The following NRXN3 variants were observed in gnomAD, a reference collection of about 807,000 sequenced individuals.
NRXN3 encodes neurexin 3.
A neutral mutation model predicts 137.6 loss-of-function variants in NRXN3; 32 were observed. The ratio of observed to expected loss-of-function variants is 0.23; its 90% CI spans 0.18 to 0.31. NRXN3 has a LOEUF of 0.31. NRXN3 is among the 10% of genes least tolerant of loss of function. The probability of loss-of-function intolerance (pLI) is 1.00; values close to 1 mark genes in which losing one functional copy is unlikely to be tolerated. For missense variants in NRXN3, 1,574 were observed against 2,062.5 expected, an observed-to-expected ratio of 0.76 and a Z score of 4.59; for synonymous variants, 798 against 784.5, an observed-to-expected ratio of 1.02 and a Z score of -0.29.
chr14:78,927,611 C>A (rs139671130), intron 10 of NRXN3, among the ~76,000 whole-genome samples: 1 of 152,246 alleles, frequency 6.6e-6, no homozygotes, highest in East Asian at 1.9e-4. Flanking sequence ...TGTATTTTAC[C>A]TATGCTGCTC....
At chr14:78,413,303 T>C (rs1216694111) in intron 4 of NRXN3, among the ~76,000 whole-genome samples, 1 of 152,166 alleles carries the variant, frequency 6.6e-6, no homozygotes, top group African/African-American at 2.4e-5. Flanking sequence ...TTTGTTTTTT[T>C]GGACAGAGTT....
chr14:78,890,795 C>G (rs1370597872), intron 10 of NRXN3, among the ~76,000 whole-genome samples: 1 of 151,808 alleles, frequency 6.6e-6, no homozygotes. Flanking sequence ...TATCTTCAGG[C>G]ATTCATAATT....
At chr14:78,363,742 T>G (rs953770512) in intron 4 of NRXN3, among the ~76,000 whole-genome samples, 2 of 152,202 alleles carry the variant, frequency 1.3e-5, no homozygotes, top group African/African-American at 4.8e-5. Flanking sequence ...TGAACTTACC[T>G]TCTCAAGGCT....
chr14:78,191,433 G>T (rs2060717390), intron 1 of NRXN3, among the ~76,000 whole-genome samples: 1 of 152,216 alleles, frequency 6.6e-6, no homozygotes, highest in Non-Finnish European at 1.5e-5. Context: ...ATGCTTCAGA[G>T]CAGTCAGAAC....
At chr14:78,445,359 A>G (rs942708426) in intron 4 of NRXN3, among the ~76,000 whole-genome samples, 6 of 152,234 alleles carry the variant, frequency 3.9e-5, no homozygotes, top group Non-Finnish European at 7.3e-5. Flanking sequence ...ACCAGATGAT[A>G]TCTAGGGTTC....
At chr14:78,962,762 G>T (rs2099410534) in intron 11 of NRXN3, among the ~76,000 whole-genome samples, 1 of 151,680 alleles carries the variant, frequency 6.6e-6, no homozygotes, top group African/African-American at 2.4e-5. Flanking sequence ...CACCCAGGCT[G>T]GAGTGCGGTG....
intron 15 of NRXN3, among the ~76,000 whole-genome samples, chr14:79,111,062 G>C (rs988690696): frequency 5.3e-5 from 8 of 151,984 alleles, no homozygotes; most frequent in Non-Finnish European, 7.4e-5. Flanking sequence ...AGTGCTGGGA[G>C]TACAGGCGTG....
At chr14:79,737,391 G>A (rs1397609973) in intron 19 of NRXN3, among the ~76,000 whole-genome samples, 1 of 152,076 alleles carries the variant, frequency 6.6e-6, no homozygotes, top group African/African-American at 2.4e-5. Context: ...CCTAATTAAT[G>A]AATTATCCAC....
chr14:79,380,926 A>G (rs2153453368), intron 15 of NRXN3, among the ~76,000 whole-genome samples: 1 of 152,148 alleles, frequency 6.6e-6, no homozygotes. Context: ...TCAGACTGCC[A>G]TTTTCTCCTT....
chr14:79,441,591 A>G (rs951198294), intron 15 of NRXN3, among the ~76,000 whole-genome samples: 1 of 151,742 alleles, frequency 6.6e-6, no homozygotes, highest in Non-Finnish European at 1.5e-5. Flanking sequence ...CGTGTTAGCC[A>G]GGATGGTCTC....
chr14:78,522,552 C>T (rs904787748), intron 4 of NRXN3, among the ~76,000 whole-genome samples: 1 of 152,118 alleles, frequency 6.6e-6, no homozygotes, highest in African/African-American at 2.4e-5. Context: ...ATGTAGCCAA[C>T]ATCTTTTTTT....
In NRXN3 at chr14:79,618,759, T is replaced by G. The variant is rs2153893841; in HGVS notation, c.3445-45019T>G. Among the ~76,000 whole-genome samples, 4 of 152,286 alleles carry G rather than the reference T, an allele frequency of 2.6e-5. No individual in the cohort carries two copies. The South Asian group carries it at 8.3e-4, about 32-fold the overall frequency. ...TGAATGGTAATACCATTTTAAGTTC[T>G]TTTGGAAATCTCCAAACTGCTTTCA... On this transcript the variant is annotated intron_variant, in intron 16 of 20. Coordinates refer to ENST00000335750, the MANE Select transcript of NRXN3 (RefSeq NM_001330195.2).
intron 16 of NRXN3, among the ~76,000 whole-genome samples, chr14:79,617,972 T>G (rs2098179728): frequency 6.9e-6 from 1 of 144,946 alleles, no homozygotes; most frequent in Non-Finnish European, 1.5e-5. Context: ...TGACACTCCT[T>G]TGGCTTAGGA....
chr14:78,496,050 AC>A (rs2095777447), intron 4 of NRXN3, among the ~76,000 whole-genome samples: 1 of 152,200 alleles, frequency 6.6e-6, no homozygotes, highest in Admixed American at 6.5e-5. Context: ...ACAAATGGGG[AC>A]CACATTGAAG....
At chr14:79,163,535 A>G (rs960168675) in intron 15 of NRXN3, among the ~76,000 whole-genome samples, 1 of 151,956 alleles carries the variant, frequency 6.6e-6, no homozygotes, top group Non-Finnish European at 1.5e-5. Context: ...TCCTGGTACA[A>G]ATATAAGAAA....
chr14:78,224,269 T>C (rs2064211417), intron 1 of NRXN3, among the ~76,000 whole-genome samples: 1 of 152,124 alleles, frequency 6.6e-6, no homozygotes, highest in African/African-American at 2.4e-5. Context: ...ATTTACTTTT[T>C]TTGTTTTATT....
At chr14:79,099,188 T>C (rs1056060454) in intron 15 of NRXN3, among the ~76,000 whole-genome samples, 1 of 152,218 alleles carries the variant, frequency 6.6e-6, no homozygotes, top group African/African-American at 2.4e-5. Context: ...GTAGGTTTTT[T>C]AGATACATTG....
chr14:78,417,670 G>A (rs1215499885), intron 4 of NRXN3, among the ~76,000 whole-genome samples: 1 of 152,184 alleles, frequency 6.6e-6, no homozygotes, highest in African/African-American at 2.4e-5. Flanking sequence ...ACCTCTTTGG[G>A]TTGTCACAGA....
At chr14:79,805,926 G>A (rs2099203038) in intron 20 of NRXN3, among the ~76,000 whole-genome samples, 1 of 151,970 alleles carries the variant, frequency 6.6e-6, no homozygotes, top group Non-Finnish European at 1.5e-5. Flanking sequence ...ACATTTTGAT[G>A]TTTTATGGTC....
Sources: allele counts gnomAD v4.1 joint callset (sites outside exome capture counted in the v4.1 genomes callset), GRCh38; gene constraint gnomAD v4.1.1; transcripts MANE v1.5; gene names NCBI Gene and HGNC (gene_info 2026-07-23, HGNC 2026-07-21).